Variants in KLRG1 observed in about 807,000 individuals in gnomAD.
KLRG1 encodes the protein killer cell lectin-like receptor subfamily G member 1.
A neutral mutation model predicts 21.8 loss-of-function variants in KLRG1; 16 were observed. That is an observed-to-expected ratio of 0.73 (90% CI 0.50 to 1.11). KLRG1 has a LOEUF of 1.11. Ranked by LOEUF, KLRG1 falls within the 50% of genes most tolerant of loss-of-function variation. The pLI, the probability that KLRG1 is intolerant of heterozygous loss-of-function variation, is 0.00. For synonymous variants in KLRG1, 69 were observed against 75.9 expected, an observed-to-expected ratio of 0.91 and a Z score of 0.47; for missense variants, 173 against 218.3, an observed-to-expected ratio of 0.79 and a Z score of 1.31.
chr12:9,154,741 A>T, the KLRG1 span: 2 of 1,614,158 alleles, frequency 1.2e-6, no homozygotes, highest in Non-Finnish European at 1.7e-6. Flanking sequence ...AGGAGCACAT[A>T]GGATGTCATC....
chr12:9,157,619 T>A, the KLRG1 span: 1 of 762,982 alleles, frequency 1.3e-6, no homozygotes, highest in Non-Finnish European at 2.1e-6. Context: ...AAATCTCTCT[T>A]AATGCATCAA....
the KLRG1 span, among the ~76,000 whole-genome samples, chr12:9,141,394 T>C: frequency 6.6e-6 from 1 of 152,222 alleles, no homozygotes; most frequent in Non-Finnish European, 1.5e-5. Context: ...ATTTACCCGA[T>C]TTTAATGTTT....
chr12:9,158,581 G>A, the KLRG1 span: 1 of 1,613,780 alleles, frequency 6.2e-7, no homozygotes, highest in South Asian at 1.1e-5. Flanking sequence ...GTGAGCCTAG[G>A]GGGAGGAAAA....
At chr12:9,199,050 A>G in the KLRG1 span, among the ~76,000 whole-genome samples, 588 of 152,256 alleles carry the variant, frequency 3.9e-3, 5 homozygotes, top group South Asian at 0.022. Flanking sequence ...GTGGAAAGGA[A>G]CATCATAGGT....
the KLRG1 span, chr12:9,157,338 AT>A: frequency 1.2e-6 from 2 of 1,613,424 alleles, no homozygotes; most frequent in Non-Finnish European, 1.7e-6. Flanking sequence ...AGAACAGGGC[AT>A]TGCGAACAAT....
chr12:9,122,888 T>TA, the KLRG1 span, among the ~76,000 whole-genome samples: 3 of 151,320 alleles, frequency 2.0e-5, no homozygotes, highest in East Asian at 5.8e-4. Context: ...GAAAAGGGTA[T>TA]AAAAAGGCAT....
chr12:9,067,762 G>T, the KLRG1 span: 164 of 1,523,608 alleles, frequency 1.1e-4, no homozygotes, highest in Non-Finnish European at 1.4e-4. Flanking sequence ...ACAAAAACAC[G>T]TGTCTTCTGT....
At chr12:9,030,050 G>A in the KLRG1 span, among the ~76,000 whole-genome samples, 32 of 152,036 alleles carry the variant, frequency 2.1e-4, 1 homozygote, top group Admixed American at 3.9e-4. Flanking sequence ...CACTGTGCCC[G>A]GCCCTCTCTT....
the KLRG1 span, chr12:9,072,561 T>C: frequency 2.9e-5 from 47 of 1,598,136 alleles, no homozygotes; most frequent in African/African-American, 6.0e-4. Flanking sequence ...ACCCTTTCTC[T>C]GATCTGTCCC....
At chr12:9,008,137 G>A (rs1014935692) in intron 3 of KLRG1, among the ~76,000 whole-genome samples, 7 of 152,112 alleles carry the variant, frequency 4.6e-5, no homozygotes, top group Non-Finnish European at 8.8e-5. Context: ...ATACAAGATT[G>A]ATGAGGATGC....
chr12:9,139,355 C>A, the KLRG1 span, among the ~76,000 whole-genome samples: 2 of 152,084 alleles, frequency 1.3e-5, no homozygotes, highest in East Asian at 3.9e-4. Flanking sequence ...TGTGACTTAT[C>A]CTGGGGAAGG....
At chr12:9,003,637 A>C (rs1182903675) in intron 3 of KLRG1, among the ~76,000 whole-genome samples, 2 of 151,916 alleles carry the variant, frequency 1.3e-5, no homozygotes, top group Non-Finnish European at 2.9e-5. Context: ...ATGCACAGTT[A>C]AGTGCTCCAC....
chr12:8,970,451 C>G (rs764517411), intron 1 of KLRG1: 1 of 152,318 alleles, frequency 6.6e-6, no homozygotes, highest in South Asian at 2.1e-4. Context: ...TGTATATTCC[C>G]CTATCCACTG....
chr12:9,050,827 A>G, the KLRG1 span, among the ~76,000 whole-genome samples: 2 of 152,206 alleles, frequency 1.3e-5, no homozygotes, highest in Non-Finnish European at 2.9e-5. Flanking sequence ...TCATGGGCCC[A>G]GGAAGGTCCC....
the KLRG1 span, among the ~76,000 whole-genome samples, chr12:9,055,101 A>C: frequency 6.6e-6 from 1 of 152,238 alleles, no homozygotes; most frequent in Non-Finnish European, 1.5e-5. Flanking sequence ...ACCCAAAGTC[A>C]TACAAATGGT....
the KLRG1 span, among the ~76,000 whole-genome samples, chr12:9,185,952 C>T: frequency 5.9e-5 from 9 of 151,710 alleles, no homozygotes; most frequent in South Asian, 2.1e-4. Flanking sequence ...GGACTACAGG[C>T]GTGCACCATC....
intron 1 of KLRG1, among the ~76,000 whole-genome samples, chr12:8,970,885 C>A (rs74888817): frequency 1.8e-4 from 28 of 151,946 alleles, no homozygotes; most frequent in African/African-American, 6.7e-4. Flanking sequence ...TTTTCTTTTT[C>A]ATTATGTTAA....
chr12:9,178,215 C>G, the KLRG1 span, among the ~76,000 whole-genome samples: 1 of 152,150 alleles, frequency 6.6e-6, no homozygotes, highest in Admixed American at 6.6e-5. Context: ...ATAAACAATT[C>G]ATACGTTTTA....
At chr12:9,151,747 T>A in the KLRG1 span, 1 of 1,176,660 alleles carries the variant, frequency 8.5e-7, no homozygotes, top group African/African-American at 1.5e-5. Context: ...GAGCAGATTG[T>A]AATAAGGGAC....
Sources: gnomAD v4.1 joint callset for allele counts (sites outside exome capture counted in the v4.1 genomes callset) on GRCh38, gnomAD v4.1.1 for gene constraint, MANE v1.5 for transcripts, NCBI Gene and HGNC (gene_info 2026-07-23, HGNC 2026-07-21) for gene names.